AFF3: variants seen among roughly 807,000 people sequenced by gnomAD.
AFF3 encodes the protein ALF transcription elongation factor 3.
AFF3 carries 32 observed loss-of-function variants against 129.7 expected under a neutral mutation model. The observed-to-expected ratio is 0.25, with a 90% CI of 0.19 to 0.33. The LOEUF is 0.33. Among genes scored for constraint, AFF3 ranks in the 10% least tolerant of loss-of-function variants. The pLI is 1.00. For missense variants in AFF3, 1,373 were observed against 1,592.0 expected (o/e 0.86, Z 2.34); for synonymous variants, 644 against 635.4 (o/e 1.01, Z -0.20).
intron 2 of AFF3, 149 bp from the exon 3 acceptor site, chr2:100,105,732 G>C (rs1691246765): frequency 2.2e-6 from 3 of 1,363,158 alleles, no homozygotes; most frequent in Non-Finnish European, 2.9e-6. Flanking sequence ...CTTCTCCACA[G>C]TTGGCCTAGA....
Position 99,554,431 on chromosome 2 carries a change from T to C in AFF3, c.3439A>G (p.Ile1147Val). Residue 1147 changes from isoleucine (I) to valine (V), a missense_variant, in exon 24 of 25, where the codon ATC becomes GTC. Coordinates refer to ENST00000672756, the MANE Select transcript of AFF3 (RefSeq NM_001386135.1). ...TGGATGCGCTGTGGGATGCTGACGA[T>C]GGTCGACGGGGACAGGGCGCTGGCG... ...SNASALSPSTIVSIPQRIHQM... is the reference protein window; with the variant it reads ...SNASALSPSTVVSIPQRIHQM... The C allele has an allele frequency of 1.2e-6, 2 of 1,614,106 alleles. No individual in the cohort carries two copies. The highest frequency in any genetic ancestry group is 1.7e-6 in the Non-Finnish European group (2 of 1,180,018).
intron 7 of AFF3, among the ~76,000 whole-genome samples, chr2:99,970,016 T>C (rs1678199023): frequency 6.6e-6 from 1 of 152,232 alleles, no homozygotes. Flanking sequence ...GCTCTCCGAA[T>C]GCTGCAGGAG....
intron 8 of AFF3, among the ~76,000 whole-genome samples, chr2:99,771,162 A>C (rs1683444391): frequency 6.6e-6 from 1 of 152,232 alleles, no homozygotes; most frequent in African/African-American, 2.4e-5. Context: ...GCAGGAACAG[A>C]AAACCAAACA....
intron 8 of AFF3, among the ~76,000 whole-genome samples, chr2:99,831,498 A>G (rs1277339717): frequency 1.3e-5 from 2 of 152,326 alleles, no homozygotes; most frequent in East Asian, 3.9e-4. Flanking sequence ...CCCAGATTGA[A>G]AATAAGTTAA....
At chr2:99,608,226 T>C (rs555407904) in intron 13 of AFF3, among the ~76,000 whole-genome samples, 1 of 152,304 alleles carries the variant, frequency 6.6e-6, no homozygotes, top group South Asian at 2.1e-4. Flanking sequence ...CAGAAAGTCC[T>C]TTCTCCCTTT....
intron 7 of AFF3, among the ~76,000 whole-genome samples, chr2:99,872,087 T>A (rs1035882518): frequency 3.3e-5 from 5 of 150,634 alleles, no homozygotes; most frequent in African/African-American, 1.2e-4. Flanking sequence ...GCGCCTGTAG[T>A]CCCAGCTACT....
chr2:99,715,512 C>T (rs12623881), intron 11 of AFF3, among the ~76,000 whole-genome samples: 39,673 of 152,016 alleles, frequency 0.26, 5,314 homozygotes, highest in African/African-American at 0.3. Context: ...GAGCTTATAA[C>T]AGTTATAAGA....
rs192383490 is a variant in AFF3, at chr2:99,851,981, C to T, written c.874-14457G>A. ...TCACAGAGACCTTTAATGCAGGTCACGGGCAGGACAGCAATGATCAAGGGT... is the reference window on the plus strand; with the variant it reads ...TCACAGAGACCTTTAATGCAGGTCATGGGCAGGACAGCAATGATCAAGGGT... On this transcript the variant is annotated intron_variant, in intron 7 of 24. Transcript: ENST00000672756. Among the ~76,000 whole-genome samples the T allele has an allele frequency of 2.6e-5, 4 of 152,240 alleles. No individual in the cohort carries two copies. In the East Asian group the frequency reaches 7.7e-4, roughly 29 times the overall value.
chr2:100,072,517 C>T (rs1559105617), intron 4 of AFF3, among the ~76,000 whole-genome samples: 1 of 152,172 alleles, frequency 6.6e-6, no homozygotes, highest in East Asian at 1.9e-4. Flanking sequence ...CCATGGAGAG[C>T]TGATCCTGAG....
chr2:99,965,661 C>T (rs557014625), intron 7 of AFF3, among the ~76,000 whole-genome samples: 9 of 152,236 alleles, frequency 5.9e-5, no homozygotes, highest in East Asian at 1.9e-4. Flanking sequence ...ACATGTTTGT[C>T]GTATTAGTTT....
intron 7 of AFF3, among the ~76,000 whole-genome samples, chr2:99,890,232 A>T (rs1214906808): frequency 6.6e-6 from 1 of 152,174 alleles, no homozygotes; most frequent in African/African-American, 2.4e-5. Context: ...CTTCCACCCA[A>T]TGAGGCAGCA....
At chr2:99,703,824 G>A (rs1028210461) in intron 11 of AFF3, among the ~76,000 whole-genome samples, 1 of 152,130 alleles carries the variant, frequency 6.6e-6, no homozygotes. Context: ...GCCTCCCAGA[G>A]CACTGGGATT....
chr2:99,563,810 C>CAAAAAAAAAAAAAAAA (rs34843347), intron 20 of AFF3, among the ~76,000 whole-genome samples: 11 of 75,970 alleles, frequency 1.4e-4, no homozygotes, highest in African/African-American at 2.7e-4. Context: ...AATTTAGTCT[C>CAAAAAAAAAAAAAAAA]AAAAAAAAAA....
intron 7 of AFF3, among the ~76,000 whole-genome samples, chr2:99,947,541 G>A (rs1675700613): frequency 7.2e-6 from 1 of 138,294 alleles, no homozygotes; most frequent in Admixed American, 7.0e-5. Context: ...GAAAGAAAAA[G>A]AGAGAAAGAA....
chr2:99,984,089 T>G (rs949969040), intron 7 of AFF3, among the ~76,000 whole-genome samples: 7 of 152,208 alleles, frequency 4.6e-5, no homozygotes, highest in Non-Finnish European at 8.8e-5. Context: ...AAGAATAAGC[T>G]TTGTTTTTGC....
chr2:99,642,948 A>T (rs1006725884), intron 13 of AFF3, among the ~76,000 whole-genome samples: 3 of 152,248 alleles, frequency 2.0e-5, no homozygotes, highest in Non-Finnish European at 2.9e-5. Context: ...TTTTATTCAC[A>T]ACTTAATTGT....
intron 7 of AFF3, among the ~76,000 whole-genome samples, chr2:99,983,591 C>G (rs918037961): frequency 1.3e-5 from 2 of 152,186 alleles, no homozygotes; most frequent in African/African-American, 4.8e-5. Context: ...TCAAGGGCAA[C>G]AGGACCAGTC....
intron 11 of AFF3, among the ~76,000 whole-genome samples, chr2:99,720,678 G>A (rs536286802): frequency 6.6e-6 from 1 of 152,238 alleles, no homozygotes; most frequent in Non-Finnish European, 1.5e-5. Context: ...TTTTCAATTT[G>A]TTTTCTATTG....
intron 12 of AFF3, among the ~76,000 whole-genome samples, chr2:99,659,821 C>T (rs576972582): frequency 2.0e-4 from 31 of 152,160 alleles, no homozygotes; most frequent in Admixed American, 1.8e-3. Flanking sequence ...ATCAAGTTTC[C>T]TAGCACAAAA....
Sources: allele counts gnomAD v4.1 joint callset (sites outside exome capture counted in the v4.1 genomes callset), GRCh38; gene constraint gnomAD v4.1.1; transcripts MANE v1.5; gene names NCBI Gene and HGNC (gene_info 2026-07-23, HGNC 2026-07-21).